WDHD1: variants seen among roughly 807,000 people sequenced by gnomAD.
The protein encoded by WDHD1 is WD repeat and HMG-box DNA binding protein 1.
In WDHD1, 111 loss-of-function variants were observed where a neutral mutation model predicts 135.4. That is an observed-to-expected ratio of 0.82 (90% confidence interval 0.70 to 0.96). The LOEUF is 0.96. Among genes scored for constraint, WDHD1 ranks in the 40% least tolerant of loss-of-function variants. WDHD1 has a pLI of 0.00. For missense variants in WDHD1, 1,351 were observed against 1,336.3 expected (o/e 1.01, Z -0.17); for synonymous variants, 434 against 439.0 (o/e 0.99, Z 0.14).
chr14:55,015,791 C>T (rs966815053), intron 2 of WDHD1, among the ~76,000 whole-genome samples: 2 of 152,012 alleles, frequency 1.3e-5, no homozygotes, highest in African/African-American at 2.4e-5. Context: ...CTCTGCCTCC[C>T]GGGTTCAAGT....
In WDHD1 at chr14:55,000,955, T is replaced by A; in HGVS notation, c.731A>T (p.Tyr244Phe). 1 of 1,593,260 alleles carries A rather than the reference T, an allele frequency of 6.3e-7. No homozygotes were observed. Among genetic ancestry groups the A allele is most frequent in the Non-Finnish European group, 8.5e-7 (1 of 1,170,902 alleles). ...ACCATTAATACTACCTGCAGCTAAA[T>A]ATTGCCCACAGGGAGACCAGGTTAC... ...NIVTWSPCGQ[Y>F]LAAGSINGLI... Residue 244 changes from tyrosine (Y) to phenylalanine (F), a missense_variant, in exon 9 of 26, where the codon TAT (tyrosine) becomes TTT (phenylalanine). Around this residue, in one of 2 missense-constraint regions of WDHD1, gnomAD observed 1,330 missense variants for 1,296.1 expected, o/e 1.03. Transcript: ENST00000360586.
intron 10 of WDHD1, among the ~76,000 whole-genome samples, chr14:54,996,082 A>G (rs547330393): frequency 6.6e-6 from 1 of 152,344 alleles, no homozygotes; most frequent in East Asian, 1.9e-4. Flanking sequence ...ATGCCAAAAT[A>G]TAAAATAAGA....
intron 14 of WDHD1, 120 bp downstream of exon 14, chr14:54,987,026 A>C (rs750004293): frequency 3.4e-6 from 4 of 1,185,420 alleles, no homozygotes; most frequent in Non-Finnish European, 4.7e-6. Context: ...TCTACATTTA[A>C]AGATTACACG....
chr14:54,982,366 G>A (rs775586928), intron 15 of WDHD1, among the ~76,000 whole-genome samples: 3 of 152,216 alleles, frequency 2.0e-5, no homozygotes, highest in Non-Finnish European at 2.9e-5. Flanking sequence ...GAAGGCTCCC[G>A]CTTGAGAAAC....
chr14:54,968,378 G>A (rs1429968561), intron 16 of WDHD1, among the ~76,000 whole-genome samples: 1 of 152,002 alleles, frequency 6.6e-6, no homozygotes, highest in Non-Finnish European at 1.5e-5. Flanking sequence ...TAAGAGGAAC[G>A]TTTATAGCAC....
At chr14:54,942,562 C>G (rs2040857042) in intron 25 of WDHD1, among the ~76,000 whole-genome samples, 1 of 152,142 alleles carries the variant, frequency 6.6e-6, no homozygotes, top group South Asian at 2.1e-4. Flanking sequence ...AACTCCGACT[C>G]CAACCCCTGG....
At chr14:55,014,427 T>C (rs956217452) in intron 2 of WDHD1, among the ~76,000 whole-genome samples, 4 of 152,194 alleles carry the variant, frequency 2.6e-5, no homozygotes, top group African/African-American at 9.7e-5. Context: ...GTAAGAAAGA[T>C]GGGTATATAA....
At chr14:54,974,102 A>C (rs1343422494) in intron 16 of WDHD1, among the ~76,000 whole-genome samples, 2 of 151,948 alleles carry the variant, frequency 1.3e-5, no homozygotes, top group Non-Finnish European at 2.9e-5. Context: ...AAAAAAAAAA[A>C]AACAATGAAA....
In WDHD1 at chr14:54,972,553, C is replaced by CAA. The variant is rs71410642; in HGVS notation, c.2064-5161_2064-5160dup. Among the ~76,000 whole-genome samples, 20 of 25,500 alleles carry CAA rather than the reference C, an allele frequency of 7.8e-4. 3 individuals are homozygous for CAA. Among genetic ancestry groups the CAA allele is most frequent in the Non-Finnish European group, 1.1e-3 (16 of 15,218 alleles). 16.7% of individuals were successfully genotyped at this position (25,500 alleles called of 152,430 possible). ...CCTGGGCAATAAAGCAAGACTGTCA[C>CAA]AAAAAAAAAAAAAAAAAAAAAAAAA... is the stretch of plus-strand genomic sequence containing the variant. On this transcript the variant is annotated intron_variant, in intron 16 of 25. Transcript: ENST00000360586.
intron 16 of WDHD1, among the ~76,000 whole-genome samples, chr14:54,971,087 C>G (rs965904971): frequency 2.0e-5 from 3 of 152,178 alleles, no homozygotes; most frequent in Admixed American, 6.5e-5. Flanking sequence ...AAAATTAACT[C>G]AAGATGGATT....
In WDHD1 at chr14:54,962,985, T is replaced by C. The variant is rs2041277705; in HGVS notation, c.2498A>G (p.Glu833Gly). 6.2e-7 allele frequency: 1 copy of C among 1,613,768 alleles called. No individual in the cohort carries two copies. ...LTATQVEEEE[E>G]EEDFRKKLNA... ...CAGCTTTTTTCTGAAATCTTCTTCT[T>C]CTTCTTCCTCTTCCACCTGGGTTGC... is the stretch of plus-strand genomic sequence containing the variant. Residue 833 changes from glutamate (E) to glycine (G), a missense_variant, in exon 19 of 26, where the codon GAA becomes GGA. Glu to Gly is a moderately conservative substitution (Grantham distance 98, BLOSUM62 -2). Coordinates refer to ENST00000360586, the MANE Select transcript of WDHD1 (RefSeq NM_007086.4).
chr14:54,995,722 T>A lies in WDHD1; in HGVS notation c.1034A>T (p.Glu345Val). ...AATCCCTTTTGAAAAAGAAGGGATCTCAACTGCATTGTCATTTAGAAAATC... is the reference window on the plus strand; with the variant it reads ...AATCCCTTTTGAAAAAGAAGGGATCACAACTGCATTGTCATTTAGAAAATC... The part of the protein sequence containing the change: ...AGDFLNDNAV[E>V]IPSFSKGIIN... Residue 345 changes from glutamate (E) to valine (V), a missense_variant, in exon 11 of 26, where the codon GAG becomes GTG. Glu to Val is a moderately radical substitution (Grantham distance 121). Transcript: ENST00000360586. 1.2e-6 allele frequency: 2 copies of A among 1,613,620 alleles called. No individual in the cohort carries two copies. The highest frequency in any genetic ancestry group is 1.7e-6 in the Non-Finnish European group (2 of 1,179,796).
chr14:54,958,838 C>T (rs1490922588), intron 21 of WDHD1, among the ~76,000 whole-genome samples: 1 of 152,160 alleles, frequency 6.6e-6, no homozygotes, highest in Non-Finnish European at 1.5e-5. Context: ...CCAATGCTTG[C>T]TTACCCATGC....
At chr14:54,970,376 TGA>T (rs1315048188) in intron 16 of WDHD1, among the ~76,000 whole-genome samples, 8 of 152,068 alleles carry the variant, frequency 5.3e-5, no homozygotes, top group Non-Finnish European at 1.0e-4. Context: ...ATGTTCGAGC[TGA>T]GAGTCAAATC....
At chr14:55,000,430 T>A in intron 10 of WDHD1, 73 bp downstream of exon 10, 1 of 1,397,158 alleles carries the variant, frequency 7.2e-7, no homozygotes, top group Non-Finnish European at 9.4e-7. Context: ...AGTAAGGCAG[T>A]TTGTGGTGTC....
chr14:54,966,758 AT>A, intron 17 of WDHD1, 152 bp from the exon 18 acceptor site: 1 of 952,784 alleles, frequency 1.0e-6, no homozygotes, highest in South Asian at 2.0e-5. Context: ...TTCTAGTGTG[AT>A]ACTACAGCTT....
chr14:54,997,760 A>T (rs2041908841), intron 10 of WDHD1, among the ~76,000 whole-genome samples: 1 of 152,000 alleles, frequency 6.6e-6, no homozygotes, highest in Non-Finnish European at 1.5e-5. Flanking sequence ...AAAATGCAAA[A>T]ATTAGCCAGG....
chr14:54,996,491 C>T (rs1355127499), intron 10 of WDHD1, among the ~76,000 whole-genome samples: 1 of 152,088 alleles, frequency 6.6e-6, no homozygotes, highest in East Asian at 1.9e-4. Context: ...TCCCAGCTAC[C>T]TGCGAGGCTG....
chr14:54,955,724 A>G (rs762147435), intron 23 of WDHD1, 30 bp from the exon 24 acceptor site: 1 of 1,477,466 alleles, frequency 6.8e-7, no homozygotes, highest in South Asian at 1.5e-5. Flanking sequence ...TACTGCAATA[A>G]CATCTAGTAT....
Sources: allele counts gnomAD v4.1 joint callset (sites outside exome capture counted in the v4.1 genomes callset), GRCh38; gene constraint gnomAD v4.1.1; regional missense constraint gnomAD v4.1.1; transcripts MANE v1.5; gene names NCBI Gene and HGNC (gene_info 2026-07-23, HGNC 2026-07-21).